The following POLR1B variants were observed in gnomAD, a reference collection of about 807,000 sequenced individuals.
POLR1B encodes the protein RNA polymerase I subunit B, also known as DNA-directed RNA polymerase I subunit RPA2.
A neutral mutation model predicts 105.8 loss-of-function variants in POLR1B; 30 were observed. That is an observed-to-expected ratio of 0.28 (90% confidence interval 0.21 to 0.38). The LOEUF (loss-of-function observed/expected upper bound fraction) is 0.38. Among genes scored for constraint, POLR1B ranks in the 10% least tolerant of loss-of-function variants. The pLI, the probability that POLR1B is intolerant of heterozygous loss-of-function variation, is 1.00. For synonymous variants in POLR1B, 485 were observed against 505.1 expected (o/e 0.96, Z 0.53); for missense variants, 976 against 1,435.8 (o/e 0.68, Z 5.17).
At chr2:112,547,618 G>A (rs1683125499) in intron 3 of POLR1B, 51 bp downstream of exon 3, 2 of 1,568,638 alleles carry the variant, frequency 1.3e-6, no homozygotes, top group Admixed American at 1.9e-5. Context: ...TGGGTTGGGA[G>A]TAAGAAGACA....
Position 112,575,424 on chromosome 2 carries a change from A to G in POLR1B, c.3103A>G (p.Ile1035Val), listed in dbSNP as rs1684816953. 6.2e-7 allele frequency: 1 copy of G among 1,614,148 alleles called. No individual in the cohort carries two copies. Among genetic ancestry groups the G allele is most frequent in the East Asian group, 2.2e-5 (1 of 44,876 alleles). Residue 1035 changes from isoleucine to valine, a missense_variant, in exon 15 of 15, where the codon ATC becomes GTC. This residue lies in a region of POLR1B where 13 missense variants were observed against 49.1 expected (regional missense o/e 0.26). Transcript: ENST00000263331. The surrounding 1 kb of genome is among the most constrained non-coding windows in gnomAD (Gnocchi z 5.3). ...TGGGGGAAGAAATGTCCAGGGTGGA[A>G]TCCGTTTTGGGGAGATGGAACGGGA... ...PIGGRNVQGG[I>V]RFGEMERDAL...
rs530106151 is a variant in POLR1B at position 112,570,499 on chromosome 2, A to G, written c.2074+1597A>G. Among the ~76,000 whole-genome samples the G allele has an allele frequency of 1.7e-4, 26 of 152,344 alleles. No individual in the cohort carries two copies. In the South Asian group the frequency reaches 5.4e-3, roughly 32 times the overall value. ...TTTTGTCGTAGTGTGAACATCATAG[A>G]GTGAACTTACACAAACCTAGATGGC... On this transcript the variant is annotated intron_variant, in intron 12 of 14. Coordinates refer to ENST00000263331, the MANE Select transcript of POLR1B (RefSeq NM_019014.6).
chr2:112,542,988 A>G (rs1309923324), intron 1 of POLR1B, among the ~76,000 whole-genome samples: 2 of 152,164 alleles, frequency 1.3e-5, no homozygotes, highest in Non-Finnish European at 2.9e-5. Flanking sequence ...ACGGCTTTAT[A>G]TCACTTGAAG....
intron 9 of POLR1B, among the ~76,000 whole-genome samples, chr2:112,561,421 C>T (rs1450657369): frequency 6.6e-6 from 1 of 151,640 alleles, no homozygotes; most frequent in Non-Finnish European, 1.5e-5. Flanking sequence ...CTAACAAACA[C>T]TTGATGTCTT....
rs1683119385 is a variant in POLR1B at position 112,547,507 on chromosome 2, G to A, written c.432G>A (p.Lys144=). The part of the protein sequence containing the change: ...LGYVPIMVKS[K]LCNLRNLPPQ... ...ATGTTCCCATCATGGTGAAATCCAA[G>A]CTTTGCAACTTACGTAACCTTCCCC... The change falls in exon 3 of 15, where the codon AAG becomes AAA. Residue 144 remains lysine (K), a synonymous_variant. Transcript: ENST00000263331. The A allele has an allele frequency of 6.2e-7, 1 of 1,614,046 alleles. No individual in the cohort carries two copies. Among genetic ancestry groups the A allele is most frequent in the Non-Finnish European group, 8.5e-7 (1 of 1,180,030 alleles).
Position 112,575,235 on chromosome 2 carries a change from A to G in POLR1B, c.2914A>G (p.Asn972Asp). The change falls in exon 15 of 15, where the codon AAT becomes GAT. Residue 972 changes from asparagine (N) to aspartate (D), a missense_variant. Asn to Asp is a conservative substitution (Grantham distance 23). Around this residue, in one of 12 missense-constraint regions of POLR1B, gnomAD observed 40 missense variants for 49.6 expected, o/e 0.81. Transcript: ENST00000263331. This position sits in a 1 kb window ranked among gnomAD's most constrained non-coding sequence, Gnocchi z 5.3. The part of the protein sequence containing the change: ...FGEMLKAAGY[N>D]FYGTERLYSG... Reference sequence around the variant, plus strand: ...TGAGATGTTAAAGGCTGCTGGCTACAATTTCTATGGCACCGAGAGGTTATA... The same window carrying G: ...TGAGATGTTAAAGGCTGCTGGCTACGATTTCTATGGCACCGAGAGGTTATA... 5.6e-6 allele frequency: 9 copies of G among 1,614,134 alleles called. No homozygotes were observed. Among genetic ancestry groups the G allele is most frequent in the Non-Finnish European group, 7.6e-6 (9 of 1,180,032 alleles).
rs900284123 is a variant in POLR1B, at chr2:112,573,807, G to T, written c.2517G>T (p.Met839Ile). Reference protein sequence around the residue: ...LNLNTGESFVMYYKSKENCVV... With the variant: ...LNLNTGESFVIYYKSKENCVV... ...TCAACACCGGGGAAAGTTTTGTGATGTACTATAAGTAAGTTTGGGTATCCA... is the reference window on the plus strand; with the variant it reads ...TCAACACCGGGGAAAGTTTTGTGATTTACTATAAGTAAGTTTGGGTATCCA... Residue 839 changes from methionine (M) to isoleucine (I), a missense_variant, in exon 14 of 15, where the codon ATG (methionine) becomes ATT (isoleucine). By Grantham distance (10) the Met-to-Ile change is conservative. Around this residue, in one of 12 missense-constraint regions of POLR1B, gnomAD observed 119 missense variants for 149.7 expected, o/e 0.79. Transcript: ENST00000263331. The T allele has an allele frequency of 1.9e-6, 3 of 1,609,418 alleles. No homozygotes were observed. In the African/African-American group the frequency reaches 4.0e-5, roughly 22 times the overall value.
At chr2:112,544,995 T>TGA (rs1480260172) in intron 1 of POLR1B, among the ~76,000 whole-genome samples, 1 of 152,176 alleles carries the variant, frequency 6.6e-6, no homozygotes, top group African/African-American at 2.4e-5. Flanking sequence ...TTTTCCCAGC[T>TGA]GAGATCTAAC....
intron 14 of POLR1B, 125 bp downstream of exon 14, chr2:112,573,940 G>C (rs1489389103): frequency 3.4e-6 from 4 of 1,167,186 alleles, no homozygotes; most frequent in Non-Finnish European, 4.8e-6. Flanking sequence ...ACCACCTCCC[G>C]GGCTCAAGCA....
intron 9 of POLR1B, among the ~76,000 whole-genome samples, chr2:112,561,819 G>GT (rs1003145416): frequency 1.6e-3 from 237 of 151,666 alleles, no homozygotes; most frequent in African/African-American, 5.1e-3. Flanking sequence ...GAGGCAATTT[G>GT]TTTTTTCTGT....
rs1203057858 is a variant in POLR1B at position 112,575,793 on chromosome 2, A to G, written c.*64A>G. Reference sequence around the variant, plus strand: ...TAAAGCAAAATGTAATTTTAATTCAATGAAGATATCATTACCAGGTTACTC... The same window carrying G: ...TAAAGCAAAATGTAATTTTAATTCAGTGAAGATATCATTACCAGGTTACTC... On this transcript the variant is annotated 3_prime_UTR_variant, in exon 15 of 15. Transcript: ENST00000263331. The surrounding 1 kb of genome is among the most constrained non-coding windows in gnomAD (Gnocchi z 5.3). 1.3e-6 allele frequency: 2 copies of G among 1,495,280 alleles called. No homozygotes were observed. Among genetic ancestry groups the G allele is most frequent in the African/African-American group, 1.4e-5 (1 of 72,114 alleles). 92.6% of individuals were successfully genotyped at this position (1,495,280 alleles called of 1,614,324 possible). A position where few individuals can be genotyped will look rare whatever the true frequency, so the allele number is the denominator to read the frequency against.
chr2:112,565,484 G>T (rs1347305837), intron 10 of POLR1B, among the ~76,000 whole-genome samples: 2 of 152,168 alleles, frequency 1.3e-5, no homozygotes, highest in African/African-American at 4.8e-5. Flanking sequence ...ATCAGAGAAG[G>T]TCATGTGGGT....
At chr2:112,545,754 G>A (rs986076820) in intron 1 of POLR1B, 13 of 286,232 alleles carry the variant, frequency 4.5e-5, no homozygotes, top group African/African-American at 2.1e-4. Context: ...ATCCTCCCAC[G>A]TCAACCTCTT....
chr2:112,564,861 C>T (rs1289271083), intron 10 of POLR1B, among the ~76,000 whole-genome samples: 5 of 152,000 alleles, frequency 3.3e-5, no homozygotes, highest in African/African-American at 7.3e-5. Context: ...GAAGTTATAC[C>T]CCATTGCCTC....
At chr2:112,547,693 C>T in intron 3 of POLR1B, 126 bp downstream of exon 3, 1 of 1,060,554 alleles carries the variant, frequency 9.4e-7, no homozygotes, top group South Asian at 1.6e-5. Context: ...ATATCAGTAT[C>T]TTGCCTGCAT....
intron 4 of POLR1B, chr2:112,550,595 A>C: frequency 2.3e-6 from 1 of 442,130 alleles, no homozygotes; most frequent in Non-Finnish European, 4.1e-6. Context: ...AAAGTGCTAA[A>C]AGATGTGGAC....
chr2:112,546,814 C>T (rs1194195775), intron 1 of POLR1B, 198 bp from the exon 2 acceptor site: 10 of 441,802 alleles, frequency 2.3e-5, no homozygotes, highest in South Asian at 5.4e-5. Context: ...CCTCCCACCT[C>T]GGCCTCCCAA....
At chr2:112,559,663 C>T (rs1683861360) in intron 9 of POLR1B, 89 bp downstream of exon 9, 2 of 1,469,682 alleles carry the variant, frequency 1.4e-6, no homozygotes, top group Non-Finnish European at 1.9e-6. Flanking sequence ...TGGAGTGTTG[C>T]TATGTCGCCC....
At position 112,577,852 on chromosome 2, in the gene POLR1B, A is replaced by G. The variant is rs1221762954; in HGVS notation, c.*2123A>G. Among the ~76,000 whole-genome samples, 4 of 138,480 alleles carry G rather than the reference A, an allele frequency of 2.9e-5. No homozygotes were observed. The highest frequency in any genetic ancestry group is 7.2e-5 in the Admixed American group (1 of 13,800). 90.8% of individuals were successfully genotyped at this position (138,480 alleles called of 152,430 possible). On this transcript the variant is annotated 3_prime_UTR_variant, in exon 15 of 15. Coordinates refer to ENST00000263331, the MANE Select transcript of POLR1B (RefSeq NM_019014.6). ...GTCTCAAAAAAAAAAAAAAAAAAAA[A>G]GCGGGGAGGCATAAGAAAAAACCAA...
Sources: allele counts gnomAD v4.1 joint callset (sites outside exome capture counted in the v4.1 genomes callset), GRCh38; gene constraint gnomAD v4.1.1; regional missense constraint gnomAD v4.1.1; non-coding constraint Gnocchi (gnomAD v3.1); transcripts MANE v1.5; gene names NCBI Gene and HGNC (gene_info 2026-07-23, HGNC 2026-07-21).